RBFOX1: variants seen among roughly 807,000 people sequenced by gnomAD.
The protein encoded by RBFOX1 is RNA binding protein fox-1 homolog 1.
RBFOX1 carries 8 observed loss-of-function variants against 57.7 expected under a neutral mutation model. The observed-to-expected ratio is 0.14, with a 90% confidence interval of 0.08 to 0.25. The LOEUF is 0.25. Ranked by LOEUF, RBFOX1 falls within the 10% of genes least tolerant of loss-of-function variation. RBFOX1 has a pLI of 1.00. For missense variants in RBFOX1, 611 were observed against 548.5 expected, an observed-to-expected ratio of 1.11 and a Z score of -1.14; for synonymous variants, 326 against 222.4, an observed-to-expected ratio of 1.47 and a Z score of -4.15.
chr16:6,742,573 G>A (rs902561720), intron 3 of RBFOX1, among the ~76,000 whole-genome samples: 5 of 152,084 alleles, frequency 3.3e-5, no homozygotes, highest in Admixed American at 6.6e-5. Flanking sequence ...TCAAAAACTG[G>A]AAACAACCAA....
intron 3 of RBFOX1, among the ~76,000 whole-genome samples, chr16:6,833,073 T>C (rs957280251): frequency 6.6e-6 from 1 of 152,160 alleles, no homozygotes; most frequent in Non-Finnish European, 1.5e-5. Context: ...TTCCACCTCA[T>C]GGTCTTTGAA....
chr16:7,630,422 G>T (rs956712262), intron 10 of RBFOX1, among the ~76,000 whole-genome samples, 181 bp from the exon 11 acceptor site: 2 of 151,934 alleles, frequency 1.3e-5, no homozygotes, highest in South Asian at 2.1e-4. Context: ...TGTGGTGGGT[G>T]GGGGGGCTTC....
At chr16:7,322,822 T>A (rs1270777834) in intron 4 of RBFOX1, among the ~76,000 whole-genome samples, 3 of 152,190 alleles carry the variant, frequency 2.0e-5, no homozygotes, top group African/African-American at 7.2e-5. Flanking sequence ...TCTCTTTATC[T>A]GTCCTCCTCC....
chr16:5,684,777 T>C (rs1285798678), intron 3 of RBFOX1, among the ~76,000 whole-genome samples: 7 of 152,194 alleles, frequency 4.6e-5, no homozygotes, highest in Non-Finnish European at 1.0e-4. Context: ...GGCTGGTATA[T>C]CTGGAGCCCT....
intron 3 of RBFOX1, among the ~76,000 whole-genome samples, chr16:5,719,456 C>G (rs969355064): frequency 1.3e-5 from 2 of 151,852 alleles, no homozygotes; most frequent in Non-Finnish European, 2.9e-5. Flanking sequence ...GCGATCCGCC[C>G]ACCTCGGCCT....
At chr16:5,415,987 G>A (rs868784724) in intron 1 of RBFOX1, among the ~76,000 whole-genome samples, 8 of 152,272 alleles carry the variant, frequency 5.3e-5, no homozygotes, top group Admixed American at 4.6e-4. Context: ...GAGCTGTAAC[G>A]CAGTGATAGT....
At chr16:6,076,392 A>C (rs2095901840) in intron 1 of RBFOX1, among the ~76,000 whole-genome samples, 1 of 151,848 alleles carries the variant, frequency 6.6e-6, no homozygotes. Flanking sequence ...ATGCTTTTTA[A>C]CTGTTTGACC....
intron 4 of RBFOX1, among the ~76,000 whole-genome samples, chr16:7,115,278 A>G (rs1270185537): frequency 6.6e-6 from 1 of 152,134 alleles, no homozygotes; most frequent in Non-Finnish European, 1.5e-5. Context: ...ACTCATGGAA[A>G]AATGTATTTT....
At chr16:6,812,898 T>G (rs1352244711) in intron 3 of RBFOX1, among the ~76,000 whole-genome samples, 1 of 152,144 alleles carries the variant, frequency 6.6e-6, no homozygotes, top group Non-Finnish European at 1.5e-5. Context: ...CATGTCAGAG[T>G]GACGATGTTT....
At chr16:7,208,845 A>T (rs1313513866) in intron 4 of RBFOX1, among the ~76,000 whole-genome samples, 2 of 152,098 alleles carry the variant, frequency 1.3e-5, no homozygotes, top group Admixed American at 6.6e-5. Context: ...TCTGTAAGCA[A>T]ACAGATAAAC....
At chr16:6,502,383 A>C (rs1567466838) in intron 2 of RBFOX1, among the ~76,000 whole-genome samples, 1 of 152,154 alleles carries the variant, frequency 6.6e-6, no homozygotes, top group African/African-American at 2.4e-5. Flanking sequence ...AACCAGTGGT[A>C]TAAGTAAGAG....
At chr16:6,131,488 G>C (rs1260370580) in intron 1 of RBFOX1, among the ~76,000 whole-genome samples, 1 of 152,098 alleles carries the variant, frequency 6.6e-6, no homozygotes, top group Admixed American at 6.6e-5. Context: ...TTTAAATGCA[G>C]CTTCTGAAAG....
chr16:5,254,307 G>C (rs2062529115), intron 1 of RBFOX1, among the ~76,000 whole-genome samples: 1 of 152,172 alleles, frequency 6.6e-6, no homozygotes, highest in East Asian at 1.9e-4. Context: ...AACAGCAGGA[G>C]TGAGAGACAA....
At chr16:6,616,791 A>G (rs770507509) in intron 2 of RBFOX1, among the ~76,000 whole-genome samples, 10 of 152,228 alleles carry the variant, frequency 6.6e-5, no homozygotes, top group Non-Finnish European at 1.2e-4. Flanking sequence ...AGTGAGCTAC[A>G]GCCATTATTC....
chr16:5,553,104 G>A (rs902568638), intron 2 of RBFOX1, among the ~76,000 whole-genome samples: 4 of 152,094 alleles, frequency 2.6e-5, no homozygotes, highest in Non-Finnish European at 4.4e-5. Flanking sequence ...GACACAGGGC[G>A]AGCAACATCA....
chr16:6,018,987 G>C (rs562511348), upstream of RBFOX1: 76 of 725,782 alleles, frequency 1.0e-4, no homozygotes, highest in South Asian at 4.4e-3. Context: ...GGCGGCGCTG[G>C]CGAGGGGAAG....
intron 1 of RBFOX1, among the ~76,000 whole-genome samples, chr16:5,325,807 T>G (rs2064554258): frequency 6.6e-6 from 1 of 152,220 alleles, no homozygotes; most frequent in Non-Finnish European, 1.5e-5. Flanking sequence ...TATACTGCAG[T>G]TTGTTTATCC....
At chr16:7,005,104 A>G (rs889055938) in intron 3 of RBFOX1, among the ~76,000 whole-genome samples, 3 of 152,164 alleles carry the variant, frequency 2.0e-5, no homozygotes, top group African/African-American at 7.2e-5. Context: ...AGATCGCGTC[A>G]TTGCACTCCA....
At chr16:5,747,051 G>C (rs2053012162) in intron 3 of RBFOX1, among the ~76,000 whole-genome samples, 2 of 151,146 alleles carry the variant, frequency 1.3e-5, no homozygotes, top group Admixed American at 1.3e-4. Context: ...GGATGGGAAT[G>C]CATCCCATTA....
Sources: allele counts gnomAD v4.1 joint callset (sites outside exome capture counted in the v4.1 genomes callset), GRCh38; gene constraint gnomAD v4.1.1; transcripts MANE v1.5; gene names NCBI Gene and HGNC (gene_info 2026-07-23, HGNC 2026-07-21).